Variants in SLC8A1 observed in about 807,000 individuals in gnomAD.
The protein encoded by SLC8A1 is solute carrier family 8 member A1.
SLC8A1 carries 18 observed loss-of-function variants against 68.3 expected under a neutral mutation model. The observed-to-expected ratio is 0.26, with a 90% CI of 0.18 to 0.39. The LOEUF (loss-of-function observed/expected upper bound fraction) is 0.39, where lower values mean the gene tolerates loss of function less well. Among genes scored for constraint, SLC8A1 ranks in the 10% least tolerant of loss-of-function variants. The pLI is 1.00. For synonymous variants in SLC8A1, 475 were observed against 415.5 expected, an observed-to-expected ratio of 1.14 and a Z score of -1.74; for missense variants, 985 against 1,156.7, an observed-to-expected ratio of 0.85 and a Z score of 2.15.
chr2:40,474,101 C>T (rs78461463), intron 1 of SLC8A1, among the ~76,000 whole-genome samples: 18,584 of 152,138 alleles, frequency 0.12, 1,483 homozygotes, highest in Middle Eastern at 0.2. Context: ...CTGCCTCTCT[C>T]AATAGACTAT....
chr2:40,116,131 C>G (rs1450603878), intron 7 of SLC8A1, among the ~76,000 whole-genome samples: 2 of 152,050 alleles, frequency 1.3e-5, no homozygotes, highest in Non-Finnish European at 2.9e-5. Flanking sequence ...ATCAGCAGCT[C>G]TAGTTTATAG....
At chr2:40,441,604 A>G (rs920319142) in intron 1 of SLC8A1, among the ~76,000 whole-genome samples, 5 of 152,106 alleles carry the variant, frequency 3.3e-5, no homozygotes, top group African/African-American at 1.2e-4. Flanking sequence ...GACCTCATAA[A>G]TAACACTACA....
At chr2:40,447,482 C>G (rs1400636596) in intron 1 of SLC8A1, among the ~76,000 whole-genome samples, 1 of 151,768 alleles carries the variant, frequency 6.6e-6, no homozygotes, top group Non-Finnish European at 1.5e-5. Flanking sequence ...AGTGCACTAA[C>G]TGGGCAGCAA....
chr2:40,137,563 C>T (rs956949294), intron 7 of SLC8A1, among the ~76,000 whole-genome samples: 3 of 152,102 alleles, frequency 2.0e-5, no homozygotes, highest in Admixed American at 6.5e-5. Context: ...ATAGAAGCAA[C>T]GGACAACCAC....
intron 1 of SLC8A1, among the ~76,000 whole-genome samples, chr2:40,461,938 T>TA (rs1405689551): frequency 6.6e-6 from 1 of 150,766 alleles, no homozygotes; most frequent in Non-Finnish European, 1.5e-5. Context: ...GATATATTTA[T>TA]AAAATGGAAA....
chr2:40,339,893 A>T (rs1667149188), intron 2 of SLC8A1, among the ~76,000 whole-genome samples: 1 of 152,256 alleles, frequency 6.6e-6, no homozygotes, highest in African/African-American at 2.4e-5. Context: ...ATCCTATTGC[A>T]TACCTATTGT....
At chr2:40,377,142 C>T (rs1680160938) in intron 2 of SLC8A1, among the ~76,000 whole-genome samples, 1 of 151,976 alleles carries the variant, frequency 6.6e-6, no homozygotes, top group Non-Finnish European at 1.5e-5. Flanking sequence ...AGAGTTTATC[C>T]CGAGTGAGCC....
chr2:40,210,356 C>T (rs1158303969), intron 2 of SLC8A1, among the ~76,000 whole-genome samples: 1 of 152,128 alleles, frequency 6.6e-6, no homozygotes, highest in Non-Finnish European at 1.5e-5. Context: ...TAGCTCTTTG[C>T]ATTTGGGCTC....
At chr2:40,512,381 G>A (rs891915516) in exon 1 of SLC8A1, 2 of 152,220 alleles carry the variant, frequency 1.3e-5, no homozygotes, top group African/African-American at 4.8e-5. Context: ...AGTCCGCATG[G>A]GCTGGATGTG....
chr2:40,386,330 T>C (rs1683533077), intron 2 of SLC8A1, among the ~76,000 whole-genome samples: 2 of 150,880 alleles, frequency 1.3e-5, no homozygotes, highest in Admixed American at 6.6e-5. Context: ...AATGTGTGTG[T>C]GTATATAACA....
intron 2 of SLC8A1, chr2:40,195,840 C>A (rs1302074488): frequency 1.3e-5 from 2 of 151,892 alleles, no homozygotes; most frequent in Non-Finnish European, 2.9e-5. Flanking sequence ...ATTGAAGGCA[C>A]TGATGTGAGC....
chr2:40,182,991 G>A (rs1266038796), intron 2 of SLC8A1, among the ~76,000 whole-genome samples: 1 of 152,150 alleles, frequency 6.6e-6, no homozygotes, highest in Non-Finnish European at 1.5e-5. Flanking sequence ...ATATTTAGAT[G>A]CTTACAGTTG....
intron 2 of SLC8A1, among the ~76,000 whole-genome samples, chr2:40,401,834 TTAA>T (rs1356019104): frequency 6.6e-6 from 1 of 152,206 alleles, no homozygotes; most frequent in Non-Finnish European, 1.5e-5. Flanking sequence ...GTAAAGGCTC[TTAA>T]TGATTCTTTC....
At chr2:40,252,355 T>G (rs1215514576) in intron 2 of SLC8A1, among the ~76,000 whole-genome samples, 2 of 152,066 alleles carry the variant, frequency 1.3e-5, no homozygotes, top group Non-Finnish European at 2.9e-5. Flanking sequence ...TTGATTGAGA[T>G]GGAGTCTTGC....
chr2:40,240,115 C>T (rs916128278), intron 2 of SLC8A1, among the ~76,000 whole-genome samples: 1 of 152,138 alleles, frequency 6.6e-6, no homozygotes, highest in Non-Finnish European at 1.5e-5. Context: ...TCCAGTATAT[C>T]ATTTTGTGCA....
At chr2:40,296,596 C>T (rs2070435747) in intron 2 of SLC8A1, among the ~76,000 whole-genome samples, 1 of 151,764 alleles carries the variant, frequency 6.6e-6, no homozygotes, top group Non-Finnish European at 1.5e-5. Context: ...TTTCTTTATA[C>T]CAAATAAAAC....
intron 2 of SLC8A1, among the ~76,000 whole-genome samples, chr2:40,234,179 T>C (rs1277711540): frequency 6.6e-6 from 1 of 152,132 alleles, no homozygotes; most frequent in Non-Finnish European, 1.5e-5. Context: ...AATCTGTAAA[T>C]TACCTTGGGC....
chr2:40,318,772 G>T (rs2074815209), intron 2 of SLC8A1, among the ~76,000 whole-genome samples: 1 of 152,110 alleles, frequency 6.6e-6, no homozygotes, highest in African/African-American at 2.4e-5. Context: ...GACTCCGGAA[G>T]TTACACAAGG....
chr2:40,443,553 G>T (rs897884555), intron 1 of SLC8A1, among the ~76,000 whole-genome samples: 3 of 152,114 alleles, frequency 2.0e-5, no homozygotes, highest in African/African-American at 7.2e-5. Context: ...ATGTTTGGAA[G>T]GGACAAAAAG....
Sources: gnomAD v4.1 joint callset for allele counts (sites outside exome capture counted in the v4.1 genomes callset) on GRCh38, gnomAD v4.1.1 for gene constraint, MANE v1.5 for transcripts, NCBI Gene and HGNC (gene_info 2026-07-23, HGNC 2026-07-21) for gene names.